TBCE: variants seen among roughly 807,000 people sequenced by gnomAD.
TBCE encodes tubulin-specific chaperone E.
A neutral mutation model predicts 77.0 loss-of-function variants in TBCE; 53 were observed. The observed-to-expected ratio is 0.69, with a 90% CI of 0.55 to 0.87. TBCE has a LOEUF of 0.87. TBCE is among the 40% of genes least tolerant of loss of function. The probability of loss-of-function intolerance (pLI) is 0.00; values close to 1 mark genes in which losing one functional copy is unlikely to be tolerated. For synonymous variants in TBCE, 235 were observed against 241.3 expected, an observed-to-expected ratio of 0.97 and a Z score of 0.24; for missense variants, 624 against 622.4, an observed-to-expected ratio of 1.00 and a Z score of -0.03.
At chr1:235,381,117 A>T (rs1008763701) in intron 2 of TBCE, among the ~76,000 whole-genome samples, 6 of 152,018 alleles carry the variant, frequency 3.9e-5, no homozygotes, top group Non-Finnish European at 5.9e-5. Context: ...AACTGCTGGA[A>T]CCAAGCTGAT....
At chr1:235,432,929 T>TAAA in intron 7 of TBCE, 2 of 885,626 alleles carry the variant, frequency 2.3e-6, no homozygotes, top group Non-Finnish European at 2.9e-6. Context: ...TTTTTTTTTG[T>TAAA]AAAAAAAAAA....
intron 12 of TBCE, among the ~76,000 whole-genome samples, chr1:235,438,400 T>C (rs186332754): frequency 9.2e-5 from 14 of 152,042 alleles, no homozygotes; most frequent in African/African-American, 3.1e-4. Flanking sequence ...ACAAAAAAAT[T>C]AGCCAGGCAT....
intron 5 of TBCE, 65 bp from the exon 6 acceptor site, chr1:235,427,075 G>A (rs986700305): frequency 8.8e-7 from 1 of 1,135,396 alleles, no homozygotes; most frequent in Admixed American, 1.7e-5. Context: ...CTGGAATTAA[G>A]AGTAACTCCT....
chr1:235,378,933 TG>T (rs1677457659), intron 1 of TBCE, among the ~76,000 whole-genome samples: 1 of 152,190 alleles, frequency 6.6e-6, no homozygotes, highest in Admixed American at 6.6e-5. Context: ...TATTTGTGCT[TG>T]CAAAAGGGGC....
intron 3 of TBCE, among the ~76,000 whole-genome samples, chr1:235,405,990 T>C (rs1165124878): frequency 6.6e-6 from 1 of 152,242 alleles, no homozygotes; most frequent in Non-Finnish European, 1.5e-5. Flanking sequence ...ATTCTTAGCC[T>C]TGGAATAACT....
intron 1 of TBCE, among the ~76,000 whole-genome samples, chr1:235,374,168 C>T (rs1486038304): frequency 1.4e-5 from 2 of 144,126 alleles, no homozygotes; most frequent in East Asian, 3.9e-4. Context: ...GTTGGCCAGG[C>T]TGGCCTCGAA....
At position 235,452,425 on chromosome 1, in the gene TBCE, A is replaced by C. The variant is rs1253426823; in HGVS notation, c.*3663A>C. ...AACCTAGTGGATTATTGTGAATTAA[A>C]GCAACAGCATAACTATTATGGTAGA... On this transcript the variant is annotated 3_prime_UTR_variant, in exon 17 of 17. Transcript: ENST00000642610. 3 of 152,234 alleles carry C rather than the reference A, an allele frequency of 2.0e-5. No individual in the cohort carries two copies. Among genetic ancestry groups the C allele is most frequent in the African/African-American group, 7.2e-5 (3 of 41,460 alleles). The allele number at this position is 152,234 out of a possible 1,614,324, so 9.4% of individuals were successfully genotyped here.
At chr1:235,434,164 A>G (rs1487598899) in intron 7 of TBCE, 40 bp from the exon 8 acceptor site, 1 of 1,600,644 alleles carries the variant, frequency 6.2e-7, no homozygotes, top group Non-Finnish European at 8.6e-7. Context: ...AGAAACAGCC[A>G]GCAGAGGCCG....
At chr1:235,388,571 G>A (rs1274108800) in intron 2 of TBCE, among the ~76,000 whole-genome samples, 2 of 152,170 alleles carry the variant, frequency 1.3e-5, no homozygotes, top group African/African-American at 2.4e-5. Flanking sequence ...TTACGGGCAT[G>A]AGCCACTGCA....
At chr1:235,388,393 A>T (rs1205719563) in intron 2 of TBCE, among the ~76,000 whole-genome samples, 1 of 146,296 alleles carries the variant, frequency 6.8e-6, no homozygotes, top group Non-Finnish European at 1.5e-5. Context: ...GGTTCAAGTG[A>T]TTCTCCTGCC....
chr1:235,379,820 A>C (rs1228992323), intron 1 of TBCE, among the ~76,000 whole-genome samples, 199 bp from the exon 2 acceptor site: 3 of 151,362 alleles, frequency 2.0e-5, no homozygotes, highest in Admixed American at 6.6e-5. Context: ...GTGGTGAAGC[A>C]CATCTGTGGA....
chr1:235,402,794 T>A (rs548524324), intron 3 of TBCE, among the ~76,000 whole-genome samples: 32 of 151,660 alleles, frequency 2.1e-4, no homozygotes, highest in African/African-American at 7.3e-4. Flanking sequence ...CCAGCTAATT[T>A]AAAAAAATAA....
In TBCE at chr1:235,380,107, C is replaced by T; in HGVS notation, c.58C>T (p.His20Tyr). The T allele has an allele frequency of 1.2e-6, 2 of 1,612,644 alleles. No individual in the cohort carries two copies. Among genetic ancestry groups the T allele is most frequent in the Non-Finnish European group, 1.7e-6 (2 of 1,179,516 alleles). The change falls in exon 2 of 17, where the codon CAT becomes TAT. Residue 20 changes from histidine (H) to tyrosine (Y), a missense_variant. Physicochemically the swap from His to Tyr is moderately conservative, Grantham distance 83. Coordinates refer to ENST00000642610, the MANE Select transcript of TBCE (RefSeq NM_003193.5). ...IGRRVEVNGE[H>Y]ATVRFAGVVP... ...TCGAAGAGTTGAAGTTAATGGAGAACATGCAACAGTACGTTTTGCTGGTGT... is the reference window on the plus strand; with the variant it reads ...TCGAAGAGTTGAAGTTAATGGAGAATATGCAACAGTACGTTTTGCTGGTGT...
chr1:235,386,317 C>T (rs1325394109), intron 2 of TBCE, among the ~76,000 whole-genome samples: 1 of 152,060 alleles, frequency 6.6e-6, no homozygotes, highest in African/African-American at 2.4e-5. Flanking sequence ...GTGGCATTCT[C>T]TGTATTTTCT....
At chr1:235,439,598 C>T (rs1221280657) in intron 13 of TBCE, among the ~76,000 whole-genome samples, 4 of 125,372 alleles carry the variant, frequency 3.2e-5, no homozygotes, top group Admixed American at 8.5e-5. Flanking sequence ...ATTTATTCTC[C>T]TGCCTTAGCC....
At chr1:235,388,158 A>G (rs1394726367) in intron 2 of TBCE, among the ~76,000 whole-genome samples, 2 of 152,150 alleles carry the variant, frequency 1.3e-5, no homozygotes, top group Admixed American at 6.6e-5. Context: ...ACCTTAAAAT[A>G]TAGATGTTAC....
chr1:235,435,585 G>A (rs553548099), intron 8 of TBCE, among the ~76,000 whole-genome samples, 160 bp from the exon 9 acceptor site: 1 of 152,142 alleles, frequency 6.6e-6, no homozygotes, highest in South Asian at 2.1e-4. Context: ...AGGAATATGT[G>A]CATCACCACA....
chr1:235,416,291 A>C (rs1004424964), intron 4 of TBCE: 1 of 151,280 alleles, frequency 6.6e-6, no homozygotes, highest in Non-Finnish European at 1.5e-5. Context: ...TCTTTGCTTT[A>C]TTTTTTCCCA....
chr1:235,396,812 A>G (rs140403078), intron 2 of TBCE, among the ~76,000 whole-genome samples: 3 of 151,998 alleles, frequency 2.0e-5, no homozygotes, highest in Non-Finnish European at 4.4e-5. Flanking sequence ...TCTTTTGCCC[A>G]TTTCTTAATC....
Sources: gnomAD v4.1 joint callset for allele counts (sites outside exome capture counted in the v4.1 genomes callset) on GRCh38, gnomAD v4.1.1 for gene constraint, MANE v1.5 for transcripts, NCBI Gene and HGNC (gene_info 2026-07-23, HGNC 2026-07-21) for gene names.